RBFOX1: variants seen among roughly 807,000 people sequenced by gnomAD.
The protein encoded by RBFOX1 is RNA binding protein fox-1 homolog 1.
Under a neutral mutation model 57.7 loss-of-function variants are expected in RBFOX1, and 8 were observed. The observed-to-expected ratio is 0.14, with a 90% confidence interval of 0.08 to 0.25. The LOEUF (loss-of-function observed/expected upper bound fraction) is 0.25, where lower values mean the gene tolerates loss of function less well. RBFOX1 is among the 10% of genes least tolerant of loss of function. RBFOX1 has a pLI of 1.00. For synonymous variants in RBFOX1, 326 were observed against 222.4 expected (o/e 1.47, Z -4.15); for missense variants, 611 against 548.5 (o/e 1.11, Z -1.14).
intron 6 of RBFOX1, 140 bp from the exon 7 acceptor site, chr16:7,587,107 C>G: frequency 3.7e-6 from 4 of 1,088,648 alleles, no homozygotes; most frequent in Non-Finnish European, 4.7e-6. Flanking sequence ...TTGTTTCAAG[C>G]ACATTAACCA....
intron 4 of RBFOX1, among the ~76,000 whole-genome samples, chr16:6,005,483 G>A (rs145386689): frequency 1.2e-4 from 18 of 152,338 alleles, no homozygotes; most frequent in African/African-American, 4.3e-4. Flanking sequence ...AATGATTGGT[G>A]TAATACAAGG....
At chr16:6,285,749 A>T (rs928158924) in intron 1 of RBFOX1, among the ~76,000 whole-genome samples, 5 of 151,978 alleles carry the variant, frequency 3.3e-5, no homozygotes, top group African/African-American at 1.2e-4. Context: ...CTCAGAGGAG[A>T]TTGGATTGTA....
At chr16:6,225,707 C>T (rs1044385852) in intron 1 of RBFOX1, among the ~76,000 whole-genome samples, 8 of 152,136 alleles carry the variant, frequency 5.3e-5, no homozygotes, top group Non-Finnish European at 1.2e-4. Flanking sequence ...ACTCTTTTGT[C>T]TTGAATGAAA....
intron 2 of RBFOX1, among the ~76,000 whole-genome samples, chr16:6,321,310 T>C (rs1369719710): frequency 2.0e-5 from 3 of 152,188 alleles, no homozygotes; most frequent in African/African-American, 7.2e-5. Context: ...GGGATGGCTT[T>C]AGACTAGCAG....
At chr16:6,608,093 C>T (rs935979828) in intron 2 of RBFOX1, among the ~76,000 whole-genome samples, 1 of 152,180 alleles carries the variant, frequency 6.6e-6, no homozygotes, top group Admixed American at 6.5e-5. Context: ...GACAATGTCT[C>T]ATAGCACCTG....
intron 4 of RBFOX1, among the ~76,000 whole-genome samples, chr16:7,165,965 C>CACACAT (rs749385448): frequency 1.4e-5 from 2 of 147,314 alleles, no homozygotes; most frequent in Non-Finnish European, 3.0e-5. Flanking sequence ...CACACACACA[C>CACACAT]ATACATACAT....
chr16:5,551,254 C>T (rs956209761), intron 2 of RBFOX1, among the ~76,000 whole-genome samples: 3 of 152,180 alleles, frequency 2.0e-5, no homozygotes, highest in South Asian at 2.1e-4. Flanking sequence ...GAATTTTCAC[C>T]AGGGGCTATT....
At chr16:6,661,694 C>G (rs1336666054) in intron 3 of RBFOX1, among the ~76,000 whole-genome samples, 1 of 152,204 alleles carries the variant, frequency 6.6e-6, no homozygotes, top group Non-Finnish European at 1.5e-5. Flanking sequence ...TTGATTCGAG[C>G]AAGACGAAGT....
chr16:6,834,743 C>G (rs1261532890), intron 3 of RBFOX1, among the ~76,000 whole-genome samples: 2 of 152,106 alleles, frequency 1.3e-5, no homozygotes, highest in African/African-American at 4.8e-5. Context: ...CCTGCGACTG[C>G]TCGTGAGACA....
intron 3 of RBFOX1, among the ~76,000 whole-genome samples, chr16:6,860,894 T>C (rs976836136): frequency 1.3e-5 from 2 of 152,176 alleles, no homozygotes; most frequent in South Asian, 2.1e-4. Flanking sequence ...TTCCAAAATA[T>C]ACATTTATAT....
chr16:5,292,614 T>G (rs1215104240), intron 1 of RBFOX1, among the ~76,000 whole-genome samples: 2 of 150,688 alleles, frequency 1.3e-5, no homozygotes, highest in African/African-American at 4.9e-5. Context: ...TCTAGTTTGG[T>G]GTTCATATCA....
chr16:6,849,263 C>A (rs944603820), intron 3 of RBFOX1, among the ~76,000 whole-genome samples: 1 of 152,140 alleles, frequency 6.6e-6, no homozygotes, highest in Non-Finnish European at 1.5e-5. Context: ...TTCCGTGGCA[C>A]CTAAAAGTTA....
chr16:6,600,967 C>A (rs562373083), intron 2 of RBFOX1, among the ~76,000 whole-genome samples: 1 of 152,180 alleles, frequency 6.6e-6, no homozygotes, highest in African/African-American at 2.4e-5. Context: ...AATATAGCCT[C>A]TTAAATGTGA....
At chr16:5,412,828 T>G (rs1356120595) in intron 1 of RBFOX1, among the ~76,000 whole-genome samples, 1 of 152,176 alleles carries the variant, frequency 6.6e-6, no homozygotes, top group East Asian at 1.9e-4. Context: ...CAGCTAGGGC[T>G]TCACATTTTT....
intron 4 of RBFOX1, among the ~76,000 whole-genome samples, chr16:5,872,424 A>G: frequency 6.6e-6 from 1 of 152,212 alleles, no homozygotes; most frequent in East Asian, 1.9e-4. Flanking sequence ...TGAACTTTAA[A>G]TGAAATAATC....
chr16:6,052,458 G>C (rs539389347), intron 1 of RBFOX1, among the ~76,000 whole-genome samples: 1 of 152,002 alleles, frequency 6.6e-6, no homozygotes, highest in East Asian at 1.9e-4. Flanking sequence ...ATACGCCTTG[G>C]TATCCTAATC....
chr16:7,265,602 C>A (rs569224529), intron 4 of RBFOX1, among the ~76,000 whole-genome samples: 1 of 151,902 alleles, frequency 6.6e-6, no homozygotes, highest in African/African-American at 2.4e-5. Flanking sequence ...GCACCCACCA[C>A]CACGCCTGGC....
intron 2 of RBFOX1, among the ~76,000 whole-genome samples, chr16:6,543,368 C>T (rs954967338): frequency 6.6e-6 from 1 of 152,112 alleles, no homozygotes; most frequent in Non-Finnish European, 1.5e-5. Flanking sequence ...AGTCTCTACT[C>T]GGTGGCTTCT....
rs571748801 is a variant in RBFOX1 at position 6,471,605 on chromosome 16, G to A, written c.-64+154548G>A. On this transcript the variant is annotated intron_variant, in intron 2 of 15. Coordinates refer to ENST00000550418, the MANE Select transcript of RBFOX1 (RefSeq NM_018723.4). ...AAAAAAAAAAAAAAAACCTCTAGTG[G>A]CAGAGAATTTGTATTTCTGTTAGCT... 4.0e-5 allele frequency among the ~76,000 whole-genome samples: 6 copies of A among 151,198 alleles called. No individual in the cohort carries two copies. The South Asian group carries it at 1.3e-3, about 32-fold the overall frequency.
Sources: allele counts gnomAD v4.1 joint callset (sites outside exome capture counted in the v4.1 genomes callset), GRCh38; gene constraint gnomAD v4.1.1; transcripts MANE v1.5; gene names NCBI Gene and HGNC (gene_info 2026-07-23, HGNC 2026-07-21).